The following GLIS3 variants were observed in gnomAD, a reference collection of about 807,000 sequenced individuals.
GLIS3 encodes the protein GLIS family zinc finger 3, also known as zinc finger protein GLIS3.
GLIS3 carries 53 observed loss-of-function variants against 78.6 expected under a neutral mutation model. That is an observed-to-expected ratio of 0.67 (90% confidence interval 0.54 to 0.85). The LOEUF is 0.85. GLIS3 is among the 40% of genes least tolerant of loss of function. The pLI is 0.00. For synonymous variants in GLIS3, 684 were observed against 509.9 expected (o/e 1.34, Z -4.60); for missense variants, 1,703 against 1,231.1 (o/e 1.38, Z -5.74).
chr9:4,247,098 G>C (rs1823872559), intron 2 of GLIS3, among the ~76,000 whole-genome samples: 1 of 152,124 alleles, frequency 6.6e-6, no homozygotes, highest in African/African-American at 2.4e-5. Flanking sequence ...CCTTGCCTTG[G>C]TCTTCCTGAG....
chr9:4,228,470 C>A (rs1821975309), intron 2 of GLIS3, among the ~76,000 whole-genome samples: 1 of 152,130 alleles, frequency 6.6e-6, no homozygotes, highest in South Asian at 2.1e-4. Flanking sequence ...CAAAAGGATG[C>A]ACCTGCAAAG....
intron 4 of GLIS3, among the ~76,000 whole-genome samples, chr9:3,981,795 A>AC (rs1200550988): frequency 6.6e-6 from 1 of 152,136 alleles, no homozygotes; most frequent in Non-Finnish European, 1.5e-5. Context: ...ATATAACCTT[A>AC]CCAAGCAGAT....
intron 4 of GLIS3, among the ~76,000 whole-genome samples, chr9:4,029,005 C>T (rs908570385): frequency 1.3e-4 from 20 of 152,030 alleles, no homozygotes; most frequent in African/African-American, 4.4e-4. Flanking sequence ...GAGAAGTAGA[C>T]ATACTACTCC....
At chr9:4,465,337 C>T in the GLIS3 span, among the ~76,000 whole-genome samples, 32 of 152,328 alleles carry the variant, frequency 2.1e-4, no homozygotes, top group African/African-American at 7.5e-4. Flanking sequence ...CACCAGAGGT[C>T]GGGAGTTCGA....
the GLIS3 span, among the ~76,000 whole-genome samples, chr9:4,388,128 G>T: frequency 2.0e-5 from 3 of 152,254 alleles, 1 homozygote; most frequent in South Asian, 4.1e-4. Flanking sequence ...AAAGTATAAG[G>T]TTATCCATGC....
At position 4,238,294 on chromosome 9, in the gene GLIS3, G is replaced by A. The variant is rs1019882063; in HGVS notation, c.388+47744C>T. ...GTATTTAATCCTCCCCCACCCCTAA[G>A]CTCTGCCCAGAATAGATGACACAGA... On this transcript the variant is annotated intron_variant, in intron 2 of 10. Transcript: ENST00000381971. Among the ~76,000 whole-genome samples the A allele has an allele frequency of 2.0e-5, 3 of 152,126 alleles. No individual in the cohort carries two copies. The South Asian group carries it at 6.2e-4, about 31-fold the overall frequency.
intron 4 of GLIS3, among the ~76,000 whole-genome samples, chr9:3,992,969 A>G (rs906666346): frequency 6.6e-6 from 1 of 152,208 alleles, no homozygotes; most frequent in Non-Finnish European, 1.5e-5. Flanking sequence ...CTTGTGTGAC[A>G]TGGAGCCAAC....
chr9:4,430,757 A>G, the GLIS3 span, among the ~76,000 whole-genome samples: 3 of 152,172 alleles, frequency 2.0e-5, no homozygotes. Context: ...AAAAAATACA[A>G]TCCAAAGATA....
chr9:3,851,025 T>C (rs1204879312), intron 9 of GLIS3, among the ~76,000 whole-genome samples: 1 of 152,272 alleles, frequency 6.6e-6, no homozygotes, highest in Admixed American at 6.5e-5. Flanking sequence ...ATGACATTCA[T>C]GTTTGCATTG....
chr9:3,969,319 G>A (rs1435468884), intron 4 of GLIS3, among the ~76,000 whole-genome samples: 1 of 152,080 alleles, frequency 6.6e-6, no homozygotes, highest in Non-Finnish European at 1.5e-5. Context: ...CATTAGGTTA[G>A]AAATGCAGAA....
At chr9:4,003,540 C>T (rs1031056668) in intron 4 of GLIS3, among the ~76,000 whole-genome samples, 7 of 152,120 alleles carry the variant, frequency 4.6e-5, no homozygotes, top group African/African-American at 1.7e-4. Context: ...ACTGAAGAAC[C>T]GTGATGAGAA....
intron 2 of GLIS3, among the ~76,000 whole-genome samples, chr9:4,197,731 C>T (rs1818997745): frequency 6.6e-6 from 1 of 152,198 alleles, no homozygotes; most frequent in Non-Finnish European, 1.5e-5. Flanking sequence ...TAGAGAGTTT[C>T]TGCCAGTGAG....
At chr9:4,080,631 T>G (rs1828475941) in intron 4 of GLIS3, among the ~76,000 whole-genome samples, 1 of 152,192 alleles carries the variant, frequency 6.6e-6, no homozygotes, top group Admixed American at 6.5e-5. Flanking sequence ...AAATATTATT[T>G]ACCTTTATTA....
the GLIS3 span, among the ~76,000 whole-genome samples, chr9:4,456,460 A>G: frequency 3.3e-5 from 5 of 152,236 alleles, no homozygotes; most frequent in Non-Finnish European, 2.9e-5. Context: ...TTGATCATCT[A>G]TCTAGACTAC....
intron 4 of GLIS3, among the ~76,000 whole-genome samples, chr9:4,013,282 C>T (rs1340013210): frequency 6.6e-6 from 1 of 152,178 alleles, no homozygotes; most frequent in African/African-American, 2.4e-5. Flanking sequence ...GACTTTTAGA[C>T]AGCCTATGAG....
chr9:4,228,612 C>T (rs1389951231), intron 2 of GLIS3, among the ~76,000 whole-genome samples: 1 of 152,182 alleles, frequency 6.6e-6, no homozygotes, highest in Admixed American at 6.5e-5. Flanking sequence ...GTACAGGTAC[C>T]GTTCTACAAA....
At chr9:4,345,632 T>C (rs914728652) in intron 2 of GLIS3, among the ~76,000 whole-genome samples, 4 of 152,238 alleles carry the variant, frequency 2.6e-5, no homozygotes, top group Non-Finnish European at 4.4e-5. Flanking sequence ...TTAAAAACTT[T>C]AAATGTAGCA....
chr9:4,296,633 T>G (rs1816531317), intron 1 of GLIS3, among the ~76,000 whole-genome samples: 1 of 152,148 alleles, frequency 6.6e-6, no homozygotes, highest in South Asian at 2.1e-4. Context: ...CAAACTGGCC[T>G]AAGGTGAACC....
At chr9:3,829,624 G>T in intron 9 of GLIS3, 132 bp from the exon 10 acceptor site, 3 of 846,886 alleles carry the variant, frequency 3.5e-6, no homozygotes, top group Non-Finnish European at 5.9e-6. Flanking sequence ...GCCACCTGTA[G>T]AATCTTCCAA....
Sources: allele counts gnomAD v4.1 joint callset (sites outside exome capture counted in the v4.1 genomes callset), GRCh38; gene constraint gnomAD v4.1.1; transcripts MANE v1.5; gene names NCBI Gene and HGNC (gene_info 2026-07-23, HGNC 2026-07-21).